Variants in TMTC2 observed in about 807,000 individuals in gnomAD.
TMTC2 encodes the protein transmembrane O-mannosyltransferase targeting cadherins 2, also known as protein O-mannosyl-transferase TMTC2.
Under a neutral mutation model 82.4 loss-of-function variants are expected in TMTC2, and 43 were observed. The ratio of observed to expected loss-of-function variants is 0.52; its 90% CI spans 0.41 to 0.67. The LOEUF (loss-of-function observed/expected upper bound fraction) is 0.67, where lower values mean the gene tolerates loss of function less well. TMTC2 is among the 30% of genes least tolerant of loss of function. TMTC2 has a pLI of 0.00. For missense variants in TMTC2, 919 were observed against 1,012.4 expected (o/e 0.91, Z 1.25); for synonymous variants, 408 against 381.9 (o/e 1.07, Z -0.80).
intron 3 of TMTC2, among the ~76,000 whole-genome samples, chr12:82,923,666 A>G (rs1373889669): frequency 6.6e-6 from 1 of 152,196 alleles, no homozygotes; most frequent in African/African-American, 2.4e-5. Flanking sequence ...TGAATATGGT[A>G]TAAAAATCAG....
chr12:82,913,128 G>C (rs1874796899), intron 3 of TMTC2, among the ~76,000 whole-genome samples: 1 of 151,874 alleles, frequency 6.6e-6, no homozygotes, highest in East Asian at 1.9e-4. Context: ...ATTACTTTTT[G>C]TTCTTGAAAT....
Position 83,132,606 on chromosome 12 carries a change from T to G in TMTC2, c.*217T>G. ...GCCGGAAACCTCCTGGAGGATGTCA[T>G]TGTTACCCATAGACTGTAAACCAGA... is the stretch of plus-strand genomic sequence containing the variant. On this transcript the variant is annotated 3_prime_UTR_variant, in exon 12 of 12. Transcript: ENST00000321196. 1.8e-6 allele frequency: 1 copy of G among 543,774 alleles called. No individual in the cohort carries two copies. Among genetic ancestry groups the G allele is most frequent in the Middle Eastern group, 4.7e-4 (1 of 2,108 alleles). The allele number at this position is 543,774 out of a possible 1,614,324, so 33.7% of individuals were successfully genotyped here.
chr12:83,011,716 A>T (rs1682600), intron 8 of TMTC2, among the ~76,000 whole-genome samples: 119,140 of 152,056 alleles, frequency 0.78, 47,714 homozygotes, highest in South Asian at 0.93. Flanking sequence ...GTCCTACCGA[A>T]CTATACAACT....
intron 3 of TMTC2, among the ~76,000 whole-genome samples, chr12:82,914,869 A>G (rs890719774): frequency 2.4e-5 from 3 of 124,926 alleles, no homozygotes; most frequent in African/African-American, 9.3e-5. Context: ...CTTGTTGCCC[A>G]GGCTGGAGTG....
chr12:82,987,419 CAA>C (rs1236293175), intron 8 of TMTC2, among the ~76,000 whole-genome samples: 3 of 35,554 alleles, frequency 8.4e-5, no homozygotes, highest in Non-Finnish European at 1.8e-4. Flanking sequence ...GACTCCATCT[CAA>C]AAAAAAAAAA....
At position 82,704,568 on chromosome 12, in the gene TMTC2, G is replaced by A. The variant is rs1207717069; in HGVS notation, c.83+16899G>A. ...AGAAACAGGCATAAGTAACTCTGCAGTGGTAGTTGTATTGAAAACTGGAAT... is the reference window on the plus strand; with the variant it reads ...AGAAACAGGCATAAGTAACTCTGCAATGGTAGTTGTATTGAAAACTGGAAT... On this transcript the variant is annotated intron_variant, in intron 1 of 11. Transcript: ENST00000321196. 4.6e-5 allele frequency among the ~76,000 whole-genome samples: 7 copies of A among 152,064 alleles called. 1 individual carries two copies. Among genetic ancestry groups the A allele is most frequent in the Admixed American group, 4.6e-4 (7 of 15,256 alleles).
chr12:82,703,569 G>T (rs60454381), intron 1 of TMTC2, among the ~76,000 whole-genome samples: 7,087 of 151,114 alleles, frequency 0.047, 315 homozygotes, highest in East Asian at 0.12. Flanking sequence ...CACGATCTCG[G>T]CTCACTGCAA....
rs191876642 is a variant in TMTC2 at position 82,688,149 on chromosome 12, T to C, written c.83+480T>C. On this transcript the variant is annotated intron_variant, in intron 1 of 11. Transcript: ENST00000321196. ...ACACACGTTTGATAGTTGCCAAAAT[T>C]GTGAAAAGGGAGATCGTTCTCTGCT... is the stretch of plus-strand genomic sequence containing the variant. Among the ~76,000 whole-genome samples the C allele has an allele frequency of 1.6e-4, 24 of 152,318 alleles. No homozygotes were observed. The South Asian group carries it at 1.7e-3, about 11-fold the overall frequency.
At chr12:82,810,361 A>C (rs1173880741) in intron 1 of TMTC2, among the ~76,000 whole-genome samples, 2 of 151,246 alleles carry the variant, frequency 1.3e-5, no homozygotes, top group Non-Finnish European at 3.0e-5. Context: ...TCCACATTAC[A>C]AACTTTTATT....
chr12:83,006,265 T>C (rs2403054), intron 8 of TMTC2, among the ~76,000 whole-genome samples: 119,111 of 152,042 alleles, frequency 0.78, 47,707 homozygotes, highest in South Asian at 0.93. Context: ...TGTCAACTCT[T>C]AGTGTTTTCT....
chr12:83,030,336 G>C (rs1236720780), intron 8 of TMTC2, among the ~76,000 whole-genome samples: 1 of 151,966 alleles, frequency 6.6e-6, no homozygotes, highest in Non-Finnish European at 1.5e-5. Context: ...AATATAATTT[G>C]ATGAAATATA....
intron 1 of TMTC2, among the ~76,000 whole-genome samples, chr12:82,743,914 A>G (rs904958552): frequency 2.0e-5 from 3 of 151,872 alleles, no homozygotes; most frequent in African/African-American, 7.3e-5. Flanking sequence ...TAGTTTTTCT[A>G]TGTTTTAATT....
chr12:82,948,165 A>G (rs893755034), intron 4 of TMTC2, among the ~76,000 whole-genome samples: 3 of 152,212 alleles, frequency 2.0e-5, no homozygotes, highest in African/African-American at 7.2e-5. Flanking sequence ...CAGAAGTTCA[A>G]GACCAGCCTG....
intron 4 of TMTC2, among the ~76,000 whole-genome samples, chr12:82,948,935 A>G (rs1877189659): frequency 1.3e-5 from 2 of 151,914 alleles, no homozygotes. Context: ...TCCATAGTGT[A>G]TCATACTATA....
At chr12:82,898,389 G>GA (rs1390835475) in intron 3 of TMTC2, among the ~76,000 whole-genome samples, 1 of 152,178 alleles carries the variant, frequency 6.6e-6, no homozygotes, top group Non-Finnish European at 1.5e-5. Context: ...ATAGGGAATT[G>GA]AAAAAATTCT....
chr12:82,791,852 A>G (rs941996275), intron 1 of TMTC2, among the ~76,000 whole-genome samples: 1 of 152,188 alleles, frequency 6.6e-6, no homozygotes, highest in African/African-American at 2.4e-5. Flanking sequence ...CTTACCAGGC[A>G]TGGAGGACCT....
chr12:82,762,582 G>A (rs1876713678), intron 1 of TMTC2, among the ~76,000 whole-genome samples: 1 of 152,026 alleles, frequency 6.6e-6, no homozygotes, highest in East Asian at 1.9e-4. Context: ...GAGTCAGCTG[G>A]GTGCAGTGGC....
At chr12:82,696,402 C>T (rs1872790147) in intron 1 of TMTC2, among the ~76,000 whole-genome samples, 2 of 152,050 alleles carry the variant, frequency 1.3e-5, no homozygotes, top group African/African-American at 4.8e-5. Flanking sequence ...ATACATTAAA[C>T]CACTCTTACA....
rs111698848 is a variant in TMTC2 at position 82,850,460 on chromosome 12, A to G, written c.84-6550A>G. Among the ~76,000 whole-genome samples the G allele has an allele frequency of 3.4e-3, 515 of 152,182 alleles. 9 individuals are homozygous for G. Among genetic ancestry groups the G allele is most frequent in the African/African-American group, 0.012 (496 of 41,478 alleles). Reference sequence around the variant, plus strand: ...AGGCTAGAGTGGGTGGAGTCATATAATGGAGAAGTCATCCCTTGAGTTGCA... The same window carrying G: ...AGGCTAGAGTGGGTGGAGTCATATAGTGGAGAAGTCATCCCTTGAGTTGCA... On this transcript the variant is annotated intron_variant, in intron 1 of 11. Transcript: ENST00000321196.
Sources: allele counts gnomAD v4.1 joint callset (sites outside exome capture counted in the v4.1 genomes callset), GRCh38; gene constraint gnomAD v4.1.1; transcripts MANE v1.5; gene names NCBI Gene and HGNC (gene_info 2026-07-23, HGNC 2026-07-21).